The following UBAC2 variants were observed in gnomAD, a reference collection of about 807,000 sequenced individuals.
UBAC2 encodes ubiquitin-associated domain-containing protein 2.
UBAC2 carries 26 observed loss-of-function variants against 44.0 expected under a neutral mutation model. That is an observed-to-expected ratio of 0.59 (90% CI 0.43 to 0.82). The LOEUF (loss-of-function observed/expected upper bound fraction) is 0.82, where lower values mean the gene tolerates loss of function less well. Among genes scored for constraint, UBAC2 ranks in the 40% least tolerant of loss-of-function variants. UBAC2 has a pLI of 0.00. For synonymous variants in UBAC2, 155 were observed against 154.3 expected, an observed-to-expected ratio of 1.00 and a Z score of -0.04; for missense variants, 329 against 419.4, an observed-to-expected ratio of 0.78 and a Z score of 1.88.
chr13:99,293,477 G>A lies in UBAC2; in HGVS notation c.390-20620G>A, dbSNP rs117105631. 5.2e-3 allele frequency among the ~76,000 whole-genome samples: 785 copies of A among 152,234 alleles called. 6 individuals are homozygous for A. Among genetic ancestry groups the A allele is most frequent in the Middle Eastern group, 0.017 (5 of 294 alleles). The stretch of plus-strand genomic sequence containing the variant: ...GTCTTCACGATGGTTCCTCTTTAGA[G>A]ATCCAACTCAGATGACTACCTAAGT... On this transcript the variant is annotated intron_variant, in intron 4 of 8. Coordinates refer to ENST00000403766, the MANE Select transcript of UBAC2 (RefSeq NM_001144072.2).
At chr13:99,244,032 T>C (rs541238735) in intron 3 of UBAC2, 81 bp downstream of exon 3, 1 of 1,171,810 alleles carries the variant, frequency 8.5e-7, no homozygotes, top group African/African-American at 1.6e-5. Context: ...TTGTTAAACT[T>C]GGTGTTGTTA....
At chr13:99,383,472 T>C (rs897243697) in intron 8 of UBAC2, among the ~76,000 whole-genome samples, 2 of 152,260 alleles carry the variant, frequency 1.3e-5, no homozygotes, top group African/African-American at 4.8e-5. Flanking sequence ...GCCTTTGCTC[T>C]ACGCTGTCCA....
chr13:99,317,682 T>C (rs2044510924), intron 5 of UBAC2, among the ~76,000 whole-genome samples: 1 of 152,248 alleles, frequency 6.6e-6, no homozygotes, highest in African/African-American at 2.4e-5. Context: ...TGTTGTTAAT[T>C]CTAATAATTT....
At chr13:99,323,231 T>C (rs1320992457) in intron 6 of UBAC2, among the ~76,000 whole-genome samples, 1 of 152,082 alleles carries the variant, frequency 6.6e-6, no homozygotes, top group Non-Finnish European at 1.5e-5. Context: ...TGCACAAGCC[T>C]CCCAGTTAAA....
chr13:99,356,947 CCA>C (rs1303457648), intron 7 of UBAC2, among the ~76,000 whole-genome samples: 1 of 152,050 alleles, frequency 6.6e-6, no homozygotes, highest in African/African-American at 2.4e-5. Flanking sequence ...TGGTTTTTCC[CCA>C]GTTTTGCCAC....
chr13:99,252,957 T>C (rs2043477392), intron 4 of UBAC2, among the ~76,000 whole-genome samples: 1 of 151,988 alleles, frequency 6.6e-6, no homozygotes, highest in Non-Finnish European at 1.5e-5. Flanking sequence ...AATTTAAGAG[T>C]AGATTCATCT....
At chr13:99,264,419 T>A (rs1034563505) in intron 4 of UBAC2, among the ~76,000 whole-genome samples, 6 of 152,236 alleles carry the variant, frequency 3.9e-5, no homozygotes, top group African/African-American at 1.4e-4. Context: ...TTACCTTTCC[T>A]ATTTAAAAAC....
chr13:99,375,013 G>A (rs1332269679), intron 8 of UBAC2, among the ~76,000 whole-genome samples: 2 of 152,164 alleles, frequency 1.3e-5, no homozygotes, highest in Non-Finnish European at 2.9e-5. Flanking sequence ...TAGTAGATTG[G>A]AAATACGTTT....
At chr13:99,304,018 G>C (rs993554176) in intron 4 of UBAC2, among the ~76,000 whole-genome samples, 1 of 152,034 alleles carries the variant, frequency 6.6e-6, no homozygotes, top group African/African-American at 2.4e-5. Context: ...CCTTCTGCCC[G>C]CAGCCACGGC....
At chr13:99,311,397 G>A (rs990114252) in intron 4 of UBAC2, among the ~76,000 whole-genome samples, 1 of 152,202 alleles carries the variant, frequency 6.6e-6, no homozygotes, top group Non-Finnish European at 1.5e-5. Context: ...CAGGGCCTGG[G>A]ACGTCTTTGT....
chr13:99,222,816 C>G (rs1555320124), intron 1 of UBAC2, among the ~76,000 whole-genome samples: 1 of 151,986 alleles, frequency 6.6e-6, no homozygotes, highest in Admixed American at 6.6e-5. Flanking sequence ...TATTTTTTGC[C>G]TTTTAATATC....
intron 4 of UBAC2, among the ~76,000 whole-genome samples, chr13:99,308,340 A>G (rs955313291): frequency 7.2e-5 from 11 of 152,170 alleles, no homozygotes; most frequent in Admixed American, 1.3e-4. Context: ...TATGCTTTGT[A>G]GGCATAGGGT....
intron 4 of UBAC2, among the ~76,000 whole-genome samples, chr13:99,282,628 A>G (rs2043968735): frequency 6.6e-6 from 1 of 152,214 alleles, no homozygotes; most frequent in East Asian, 1.9e-4. Flanking sequence ...ACGCTGGTTA[A>G]GTGAGACTCA....
intron 4 of UBAC2, among the ~76,000 whole-genome samples, chr13:99,245,373 TAAAAC>T (rs974017303): frequency 2.0e-5 from 3 of 152,188 alleles, no homozygotes; most frequent in Non-Finnish European, 4.4e-5. Context: ...CCATCAAACA[TAAAAC>T]AAAGCCGGTG....
chr13:99,242,618 TG>T (rs2043322565), intron 2 of UBAC2, among the ~76,000 whole-genome samples: 1 of 101,100 alleles, frequency 9.9e-6, no homozygotes, highest in Admixed American at 1.1e-4. Context: ...ACGGGGTGGC[TG>T]GCCAGGCGGG....
At chr13:99,271,295 A>G (rs1310089463) in intron 4 of UBAC2, among the ~76,000 whole-genome samples, 4 of 152,204 alleles carry the variant, frequency 2.6e-5, no homozygotes, top group Non-Finnish European at 5.9e-5. Context: ...ATTTGAGCAA[A>G]GACCTGAAGG....
At chr13:99,209,322 T>G (rs1239029535) in intron 1 of UBAC2, among the ~76,000 whole-genome samples, 1 of 152,226 alleles carries the variant, frequency 6.6e-6, no homozygotes, top group Non-Finnish European at 1.5e-5. Flanking sequence ...TTCCACTGTC[T>G]GTAGCCCTGA....
chr13:99,241,905 C>T (rs9557181), intron 2 of UBAC2, among the ~76,000 whole-genome samples: 25,126 of 148,132 alleles, frequency 0.17, 2,186 homozygotes, highest in Middle Eastern at 0.23. Context: ...TGTTTGTGTC[C>T]CTGGGTACTT....
chr13:99,340,531 A>G lies in UBAC2; in HGVS notation c.773A>G (p.Gln258Arg). The stretch of plus-strand genomic sequence containing the variant: ...CTGGACCGGCAGCTGATGTTCTCTC[A>G]GTTTGCACAAGGGAGGCGACAGAGA... ...ELLDRQLMFS[Q>R]FAQGRRQRQQ... is the part of the protein sequence containing the mutation. The change falls in exon 7 of 9, where the codon CAG becomes CGG. Residue 258 changes from glutamine (Q) to arginine (R), a missense_variant. Transcript: ENST00000403766. 6.2e-7 allele frequency: 1 copy of G among 1,614,198 alleles called. No individual in the cohort carries two copies. Among genetic ancestry groups the G allele is most frequent in the Non-Finnish European group, 8.5e-7 (1 of 1,180,028 alleles).
Sources: allele counts gnomAD v4.1 joint callset (sites outside exome capture counted in the v4.1 genomes callset), GRCh38; gene constraint gnomAD v4.1.1; transcripts MANE v1.5; gene names NCBI Gene and HGNC (gene_info 2026-07-23, HGNC 2026-07-21).